CMSS1: variants seen among roughly 807,000 people sequenced by gnomAD.
The protein encoded by CMSS1 is cms1 ribosomal small subunit homolog, also known as protein CMSS1.
Under a neutral mutation model 43.5 loss-of-function variants are expected in CMSS1, and 33 were observed. The ratio of observed to expected loss-of-function variants is 0.76; its 90% CI spans 0.57 to 1.01. The LOEUF (loss-of-function observed/expected upper bound fraction) is 1.01. CMSS1 is among the 50% of genes least tolerant of loss of function. The probability of loss-of-function intolerance (pLI) is 0.00; values close to 1 mark genes in which losing one functional copy is unlikely to be tolerated. For synonymous variants in CMSS1, 115 were observed against 117.2 expected (o/e 0.98, Z 0.12); for missense variants, 313 against 326.4 (o/e 0.96, Z 0.32).
chr3:99,818,651 G>A (rs1434680148), intron 1 of CMSS1, among the ~76,000 whole-genome samples: 1 of 152,168 alleles, frequency 6.6e-6, no homozygotes. Flanking sequence ...ACTGGAAGGA[G>A]GCTTAAATAG....
intron 1 of CMSS1, among the ~76,000 whole-genome samples, chr3:100,076,699 G>A (rs904587081): frequency 2.0e-5 from 3 of 152,148 alleles, no homozygotes; most frequent in Admixed American, 2.0e-4. Flanking sequence ...AATATTGTTT[G>A]ACTTCACCTC....
Position 99,861,656 on chromosome 3 carries a change from A to G in CMSS1, c.64+43613A>G, listed in dbSNP as rs912366032. On this transcript the variant is annotated intron_variant, in intron 1 of 9. Transcript: ENST00000421999. ...ATGTCTTCCCTACTGCCTGTTCCCT[A>G]TTACCCCCAGCAAGAGATTGCAGTA... 3.9e-5 allele frequency among the ~76,000 whole-genome samples: 6 copies of G among 152,082 alleles called. No individual in the cohort carries two copies. In the South Asian group the frequency reaches 6.2e-4, roughly 16 times the overall value.
intron 1 of CMSS1, chr3:99,876,259 C>T (rs1705514391): frequency 4.1e-6 from 4 of 979,166 alleles, no homozygotes; most frequent in Non-Finnish European, 4.9e-6. Context: ...GCGCTGTCGG[C>T]GGGGGCGCCG....
intron 1 of CMSS1, among the ~76,000 whole-genome samples, chr3:99,988,419 G>A (rs1193038427): frequency 6.7e-6 from 1 of 149,430 alleles, no homozygotes. Context: ...GGCTGAGACA[G>A]GAGAATCGCT....
chr3:99,961,686 A>T (rs1436572337), intron 1 of CMSS1, among the ~76,000 whole-genome samples: 1 of 152,116 alleles, frequency 6.6e-6, no homozygotes, highest in Non-Finnish European at 1.5e-5. Context: ...ATATTCTTTT[A>T]TAAGTGATTT....
intron 1 of CMSS1, among the ~76,000 whole-genome samples, chr3:99,972,536 G>C (rs1016908257): frequency 6.6e-6 from 1 of 152,156 alleles, no homozygotes; most frequent in African/African-American, 2.4e-5. Flanking sequence ...TCTGCCTCTA[G>C]TGCTGTCTGC....
At chr3:99,868,387 C>G (rs1193356650) in intron 1 of CMSS1, among the ~76,000 whole-genome samples, 1 of 152,164 alleles carries the variant, frequency 6.6e-6, no homozygotes, top group Admixed American at 6.5e-5. Flanking sequence ...ATGACTGCAT[C>G]CTACAAAGGA....
intron 1 of CMSS1, among the ~76,000 whole-genome samples, chr3:99,842,503 C>T (rs1373610133): frequency 4.7e-5 from 3 of 63,838 alleles, no homozygotes; most frequent in African/African-American, 2.7e-4. Context: ...TTAAAACAGG[C>T]CAAAAAAAAA....
chr3:99,872,609 TA>T (rs912618579), intron 1 of CMSS1, among the ~76,000 whole-genome samples: 13 of 151,854 alleles, frequency 8.6e-5, no homozygotes, highest in Admixed American at 6.6e-5. Context: ...CAAGCTTGTT[TA>T]AAAAAAATTC....
chr3:99,884,857 T>A (rs1705842370), intron 1 of CMSS1, among the ~76,000 whole-genome samples: 1 of 152,234 alleles, frequency 6.6e-6, no homozygotes, highest in Admixed American at 6.5e-5. Context: ...TTGAAGCAGC[T>A]GAATACTGAT....
chr3:100,172,371 C>A lies in CMSS1; in HGVS notation c.635C>A (p.Thr212Asn). 3 of 1,613,808 alleles carry A rather than the reference C, an allele frequency of 1.9e-6. No individual in the cohort carries two copies. The highest frequency in any genetic ancestry group is 2.5e-6 in the Non-Finnish European group (3 of 1,179,846). ...EKRVVHLGVG[T>N]PGRIKELVKQ... ...CGTGTGGTGCACCTGGGTGTAGGAA[C>A]TCCGGGGAGAATTAAAGAACTTGTT... Residue 212 changes from threonine to asparagine, a missense_variant, in exon 8 of 10, where the codon ACT becomes AAT. Thr to Asn is a moderately conservative substitution (Grantham distance 65). Coordinates refer to ENST00000421999, the MANE Select transcript of CMSS1 (RefSeq NM_032359.4).
At chr3:99,835,855 C>T (rs942621626) in intron 1 of CMSS1, among the ~76,000 whole-genome samples, 4 of 152,076 alleles carry the variant, frequency 2.6e-5, no homozygotes, top group African/African-American at 7.2e-5. Flanking sequence ...GAGGAAGTGA[C>T]ACATGAGGGA....
intron 1 of CMSS1, among the ~76,000 whole-genome samples, chr3:99,832,693 C>G (rs1447223857): frequency 7.0e-6 from 1 of 143,380 alleles, no homozygotes; most frequent in Non-Finnish European, 1.5e-5. Context: ...AAATACAAAA[C>G]AGCCGGGCGT....
At chr3:99,999,709 G>A (rs969157039) in intron 1 of CMSS1, among the ~76,000 whole-genome samples, 1 of 152,130 alleles carries the variant, frequency 6.6e-6, no homozygotes, top group Non-Finnish European at 1.5e-5. Flanking sequence ...CAGAAGTTCA[G>A]GCAAAAGGTC....
Position 100,079,024 on chromosome 3 carries a change from C to T in CMSS1, c.65-67949C>T, listed in dbSNP as rs147856500. On this transcript the variant is annotated intron_variant, in intron 1 of 9. Coordinates refer to ENST00000421999, the MANE Select transcript of CMSS1 (RefSeq NM_032359.4). ...TTGGACAAGCTTGGACTAGGTTCAA[C>T]TAGATGGCTCTCTTTTCCAAATGAG... Among the ~76,000 whole-genome samples the T allele has an allele frequency of 4.6e-3, 707 of 152,330 alleles. 2 individuals carry two copies. Among genetic ancestry groups the T allele is most frequent in the South Asian group, 7.0e-3 (34 of 4,824 alleles).
intron 1 of CMSS1, among the ~76,000 whole-genome samples, chr3:100,082,520 A>C (rs1343870609): frequency 6.6e-6 from 1 of 152,142 alleles, no homozygotes; most frequent in Non-Finnish European, 1.5e-5. Flanking sequence ...TCTCTTGGAG[A>C]AGACAGCCCA....
chr3:100,141,013 A>G (rs932968632), intron 1 of CMSS1, among the ~76,000 whole-genome samples: 3 of 152,208 alleles, frequency 2.0e-5, no homozygotes, highest in African/African-American at 7.2e-5. Context: ...CAAATAGGCA[A>G]AAATGAGAAC....
chr3:99,896,758 G>A (rs1016027338), intron 1 of CMSS1, among the ~76,000 whole-genome samples: 3 of 152,094 alleles, frequency 2.0e-5, no homozygotes, highest in African/African-American at 7.2e-5. Context: ...ATTCTATAAG[G>A]TTCCAGAGGA....
intron 1 of CMSS1, among the ~76,000 whole-genome samples, chr3:100,062,145 T>A (rs2065581318): frequency 7.5e-6 from 1 of 133,960 alleles, no homozygotes; most frequent in Non-Finnish European, 1.6e-5. Flanking sequence ...GGAGTGTTGC[T>A]CTGTCCCCCA....
Sources: gnomAD v4.1 joint callset for allele counts (sites outside exome capture counted in the v4.1 genomes callset) on GRCh38, gnomAD v4.1.1 for gene constraint, MANE v1.5 for transcripts, NCBI Gene and HGNC (gene_info 2026-07-23, HGNC 2026-07-21) for gene names.